The following TNNC2 variants were observed in gnomAD, a reference collection of about 807,000 sequenced individuals.
TNNC2 encodes troponin C2, fast skeletal type.
TNNC2 carries 14 observed loss-of-function variants against 20.0 expected under a neutral mutation model. The ratio of observed to expected loss-of-function variants is 0.70; its 90% CI spans 0.46 to 1.09. The LOEUF (loss-of-function observed/expected upper bound fraction) is 1.09. Among genes scored for constraint, TNNC2 ranks in the 50% least tolerant of loss-of-function variants. TNNC2 has a pLI of 0.00. For synonymous variants in TNNC2, 81 were observed against 77.3 expected (o/e 1.05, Z -0.25); for missense variants, 163 against 223.8 (o/e 0.73, Z 1.73).
rs541482010 is a variant in TNNC2 at position 45,823,285 on chromosome 20, G to A, written c.*63C>T. On this transcript the variant is annotated 3_prime_UTR_variant, in exon 6 of 6. Coordinates refer to ENST00000372555, the MANE Select transcript of TNNC2 (RefSeq NM_003279.3). This position sits in a 1 kb window ranked among gnomAD's most constrained non-coding sequence, Gnocchi z 4.6. Reference sequence around the variant, plus strand: ...GGTCGCGCCTCCCTGGTGGGGACCCGGCAGGGCGGAGTCTCCCACACCCTA... The same window carrying A: ...GGTCGCGCCTCCCTGGTGGGGACCCAGCAGGGCGGAGTCTCCCACACCCTA... The A allele has an allele frequency of 2.2e-4, 330 of 1,467,786 alleles. 4 individuals carry two copies. In the South Asian group the frequency reaches 3.6e-3, roughly 16 times the overall value. The allele number at this position is 1,467,786 out of a possible 1,614,324, so 90.9% of individuals were successfully genotyped here.
chr20:45,830,562 T>C (rs759056848), upstream of TNNC2, among the ~76,000 whole-genome samples: 3 of 152,194 alleles, frequency 2.0e-5, no homozygotes, highest in Non-Finnish European at 4.4e-5. Context: ...TCCTCAATCA[T>C]AGCACTGAGC....
At chr20:45,826,309 G>A (rs903554222) in intron 1 of TNNC2, among the ~76,000 whole-genome samples, 2 of 152,176 alleles carry the variant, frequency 1.3e-5, no homozygotes, top group Non-Finnish European at 2.9e-5. Flanking sequence ...ACATCATCCC[G>A]CCCCTCAGAG....
chr20:45,824,770 G>A lies in TNNC2; in HGVS notation c.55+13C>T, dbSNP rs200741255. On this transcript the variant is annotated intron_variant, in intron 2 of 5. Transcript: ENST00000372555. Reference sequence around the variant, plus strand: ...ACATCCACCCAGCCCCCAGCCTGCCGCGCCTCACTCACCAGCGATCATCTC... The same window carrying A: ...ACATCCACCCAGCCCCCAGCCTGCCACGCCTCACTCACCAGCGATCATCTC... The A allele has an allele frequency of 3.0e-4, 426 of 1,412,862 alleles. No individual in the cohort carries two copies. Among genetic ancestry groups the A allele is most frequent in the Admixed American group, 1.5e-3 (72 of 48,284 alleles). The allele number at this position is 1,412,862 out of a possible 1,614,324, so 87.5% of individuals were successfully genotyped here.
chr20:45,827,696 G>A (rs186694966), upstream of TNNC2, among the ~76,000 whole-genome samples: 8 of 152,272 alleles, frequency 5.3e-5, no homozygotes, highest in South Asian at 4.1e-4. Context: ...CAGCCTCTGC[G>A]AGTTGTGTGA....
chr20:45,823,419 G>T lies in TNNC2; in HGVS notation c.452-40C>A. The T allele has an allele frequency of 6.4e-7, 1 of 1,572,436 alleles. No individual in the cohort carries two copies. The highest frequency in any genetic ancestry group is 2.3e-5 in the East Asian group (1 of 43,486). The stretch of plus-strand genomic sequence containing the variant: ...AGGGAGAGGGTCAGGGGTCCCACTG[G>T]GGACGCAGAGGCCAGGCCAGGGCTC... On this transcript the variant is annotated intron_variant, in intron 5 of 5. Transcript: ENST00000372555. This position sits in a 1 kb window ranked among gnomAD's most constrained non-coding sequence, Gnocchi z 4.6.
rs756267886 is a variant in TNNC2, at chr20:45,823,334, C to T, written c.*14G>A. ...TAGGGACACGCGATCTTGGTAGAGG[C>T]GACTGTCCACTCCTTACTGCACGCC... is the stretch of plus-strand genomic sequence containing the variant. On this transcript the variant is annotated 3_prime_UTR_variant, in exon 6 of 6. Coordinates refer to ENST00000372555, the MANE Select transcript of TNNC2 (RefSeq NM_003279.3). The surrounding 1 kb of genome is among the most constrained non-coding windows in gnomAD (Gnocchi z 4.6). 3.8e-6 allele frequency: 6 copies of T among 1,580,130 alleles called. No individual in the cohort carries two copies. The highest frequency in any genetic ancestry group is 3.5e-5 in the South Asian group (3 of 85,784).
chr20:45,824,043 T>C lies in TNNC2; in HGVS notation c.399A>G (p.Glu133=). 6.2e-7 allele frequency: 1 copy of C among 1,614,082 alleles called. No individual in the cohort carries two copies. Among genetic ancestry groups the C allele is most frequent in the Non-Finnish European group, 8.5e-7 (1 of 1,179,972 alleles). The change falls in exon 5 of 6, where the codon GAA becomes GAG. Residue 133 remains glutamate, a synonymous_variant. Coordinates refer to ENST00000372555, the MANE Select transcript of TNNC2 (RefSeq NM_003279.3). The stretch of plus-strand genomic sequence containing the variant: ...TCTTGTCGCCGTCTTTCATCAGAGA[T>C]TCGATCTCCTCGTCCGTCACGTGCT... ...SGEHVTDEEI[E]SLMKDGDKNN...
At chr20:45,830,502 C>T (rs1352164228), upstream of TNNC2, among the ~76,000 whole-genome samples, 2 of 152,114 alleles carry the variant, frequency 1.3e-5, no homozygotes, top group African/African-American at 4.8e-5. Context: ...CTCGGGGATC[C>T]TTCCCCCACT....
rs535010261 is a variant in TNNC2, at chr20:45,824,747, A to G, written c.55+36T>C. ...AGAGGCCAACATGTCCCCAGCATACATCCACCCAGCCCCCAGCCTGCCGCG... is the reference window on the plus strand; with the variant it reads ...AGAGGCCAACATGTCCCCAGCATACGTCCACCCAGCCCCCAGCCTGCCGCG... On this transcript the variant is annotated intron_variant, in intron 2 of 5. Coordinates refer to ENST00000372555, the MANE Select transcript of TNNC2 (RefSeq NM_003279.3). 85 of 1,591,986 alleles carry G rather than the reference A, an allele frequency of 5.3e-5. 1 individual carries two copies. The highest frequency in any genetic ancestry group is 6.9e-5 in the Non-Finnish European group (81 of 1,173,828).
At chr20:45,830,495 G>C (rs547542485), upstream of TNNC2, among the ~76,000 whole-genome samples, 1 of 151,768 alleles carries the variant, frequency 6.6e-6, no homozygotes, top group Admixed American at 6.6e-5. Context: ...TCACTTCCTC[G>C]GGGATCCTTC....
rs764481639 is a variant in TNNC2, at chr20:45,824,343, G to A, written c.263C>T (p.Ala88Val). 1.2e-6 allele frequency: 2 copies of A among 1,611,034 alleles called. No homozygotes were observed. Among genetic ancestry groups the A allele is most frequent in the Non-Finnish European group, 1.7e-6 (2 of 1,179,972 alleles). ...CAGCTCCTCCTCGCTCTTCCCTTTC[G>A]CGTCCTCTTTCATCTGGCGCACCAT... is the stretch of plus-strand genomic sequence containing the variant. ...VMMVRQMKED[A>V]KGKSEEELAE... The change falls in exon 4 of 6, where the codon GCG (alanine) becomes GTG (valine). Residue 88 changes from alanine (A) to valine (V), a missense_variant. Physicochemically the swap from Ala to Val is moderately conservative, Grantham distance 64. Coordinates refer to ENST00000372555, the MANE Select transcript of TNNC2 (RefSeq NM_003279.3).
At chr20:45,824,174 C>G in intron 4 of TNNC2, 47 bp from the exon 5 acceptor site, 1 of 1,605,182 alleles carries the variant, frequency 6.2e-7, no homozygotes, top group East Asian at 2.2e-5. Context: ...GGGCGAGCTG[C>G]CCTGGCCACC....
At chr20:45,833,232 G>A (rs1983180303) in intron 2 of TNNC2, 1 of 152,252 alleles carries the variant, frequency 6.6e-6, no homozygotes, top group African/African-American at 2.4e-5. Flanking sequence ...AAGCTGTGTG[G>A]TTAAGCCAAG....
At chr20:45,832,649 G>T (rs1983147316) in intron 2 of TNNC2, among the ~76,000 whole-genome samples, 2 of 152,238 alleles carry the variant, frequency 1.3e-5, no homozygotes, top group African/African-American at 4.8e-5. Context: ...CTCAGAAAGG[G>T]TAGGAGCTAC....
intron 2 of TNNC2, 62 bp from the exon 3 acceptor site, chr20:45,824,700 C>CG (rs1276498814): frequency 4.5e-6 from 7 of 1,563,904 alleles, no homozygotes; most frequent in Non-Finnish European, 6.0e-6. Flanking sequence ...ACACCTACCC[C>CG]CCCCCAACCC....
In TNNC2 at chr20:45,824,368, T is replaced by A. The variant is rs1982900370; in HGVS notation, c.238A>T (p.Met80Leu). ...TIDFEEFLVM[M>L]VRQMKEDAKG... Reference sequence around the variant, plus strand: ...GCGTCCTCTTTCATCTGGCGCACCATCATGACCAAGAACTCCTCGAAGTCG... The same window carrying A: ...GCGTCCTCTTTCATCTGGCGCACCAACATGACCAAGAACTCCTCGAAGTCG... Residue 80 changes from methionine (M) to leucine (L), a missense_variant, in exon 4 of 6, where the codon ATG (methionine) becomes TTG (leucine). Coordinates refer to ENST00000372555, the MANE Select transcript of TNNC2 (RefSeq NM_003279.3). 1 of 1,610,836 alleles carries A rather than the reference T, an allele frequency of 6.2e-7. No individual in the cohort carries two copies. The highest frequency in any genetic ancestry group is 8.5e-7 in the Non-Finnish European group (1 of 1,179,908).
At chr20:45,829,003 C>T (rs1983043034), upstream of TNNC2, among the ~76,000 whole-genome samples, 1 of 151,974 alleles carries the variant, frequency 6.6e-6, no homozygotes, top group African/African-American at 2.4e-5. Context: ...GTTTTTGAGA[C>T]AGACTCTCAC....
upstream of TNNC2, among the ~76,000 whole-genome samples, chr20:45,831,018 G>A (rs1166282377): frequency 6.6e-6 from 1 of 152,084 alleles, no homozygotes; most frequent in Admixed American, 6.5e-5. Context: ...ATGGTGGGTG[G>A]TAGCTCATAC....
chr20:45,823,460 G>T lies in TNNC2; in HGVS notation c.452-81C>A. On this transcript the variant is annotated intron_variant, in intron 5 of 5. Transcript: ENST00000372555. This position sits in a 1 kb window ranked among gnomAD's most constrained non-coding sequence, Gnocchi z 4.6. Reference sequence around the variant, plus strand: ...GCCAGGGCTCCAGCCACACAGAGGGGATGACTTTTTGTTTTTGTTTTTGTT... The same window carrying T: ...GCCAGGGCTCCAGCCACACAGAGGGTATGACTTTTTGTTTTTGTTTTTGTT... The T allele has an allele frequency of 1.4e-6, 2 of 1,397,652 alleles. No homozygotes were observed. The highest frequency in any genetic ancestry group is 2.0e-6 in the Non-Finnish European group (2 of 1,025,594). 86.6% of individuals were successfully genotyped at this position (1,397,652 alleles called of 1,614,324 possible). A position where few individuals can be genotyped will look rare whatever the true frequency, so the allele number is the denominator to read the frequency against.
Sources: gnomAD v4.1 joint callset for allele counts (sites outside exome capture counted in the v4.1 genomes callset) on GRCh38, gnomAD v4.1.1 for gene constraint, Gnocchi (gnomAD v3.1) non-coding constraint, MANE v1.5 for transcripts, NCBI Gene and HGNC (gene_info 2026-07-23, HGNC 2026-07-21) for gene names.